Variants in TTF2 observed in about 807,000 individuals in gnomAD.
The protein encoded by TTF2 is RNA polymerase II termination factor.
In TTF2, 108 loss-of-function variants were observed where a neutral mutation model predicts 142.4. That is an observed-to-expected ratio of 0.76 (90% confidence interval 0.65 to 0.89). The LOEUF is 0.89. Among genes scored for constraint, TTF2 ranks in the 40% least tolerant of loss-of-function variants. The probability of loss-of-function intolerance (pLI) is 0.00; values close to 1 mark genes in which losing one functional copy is unlikely to be tolerated. For missense variants in TTF2, 1,327 were observed against 1,379.8 expected, an observed-to-expected ratio of 0.96 and a Z score of 0.61; for synonymous variants, 483 against 506.2, an observed-to-expected ratio of 0.95 and a Z score of 0.61.
At chr1:117,089,041 T>C (rs1238736891) in intron 13 of TTF2, 59 bp downstream of exon 13, 2 of 1,510,148 alleles carry the variant, frequency 1.3e-6, no homozygotes, top group Non-Finnish European at 1.8e-6. Context: ...TTCATCATTA[T>C]TTCATGTCTC....
At chr1:117,071,633 T>A (rs1353396802) in intron 3 of TTF2, among the ~76,000 whole-genome samples, 1 of 152,100 alleles carries the variant, frequency 6.6e-6, no homozygotes, top group Non-Finnish European at 1.5e-5. Context: ...GCAGACAAAA[T>A]ATATATTTTT....
rs377011774 is a variant in TTF2 at position 117,086,407 on chromosome 1, G to A, written c.2055-10G>A. 25 of 1,602,444 alleles carry A rather than the reference G, an allele frequency of 1.6e-5. No individual in the cohort carries two copies. Among genetic ancestry groups the A allele is most frequent in the Non-Finnish European group, 2.1e-5 (24 of 1,169,910 alleles). On this transcript the variant is annotated splice_polypyrimidine_tract_variant and intron_variant, in intron 11 of 22. Transcript: ENST00000369466. This position sits in a 1 kb window ranked among gnomAD's most constrained non-coding sequence, Gnocchi z 4.2. Reference sequence around the variant, plus strand: ...GACCATTTATTGATTTCTTTGTTATGTCTACGCAGCCTCTCTACATATGAC... The same window carrying A: ...GACCATTTATTGATTTCTTTGTTATATCTACGCAGCCTCTCTACATATGAC...
chr1:117,073,625 C>T lies in TTF2; in HGVS notation c.219-36C>T. 6.4e-7 allele frequency: 1 copy of T among 1,566,524 alleles called. No homozygotes were observed. The highest frequency in any genetic ancestry group is 1.2e-5 in the South Asian group (1 of 86,254). On this transcript the variant is annotated intron_variant, in intron 3 of 22. Transcript: ENST00000369466. The surrounding 1 kb of genome is among the most constrained non-coding windows in gnomAD (Gnocchi z 4.4). Reference sequence around the variant, plus strand: ...CTTATCTCTTGTTCTAATGGATTTTCATAGCCTTGATTATTTGTGTTTTAT... The same window carrying T: ...CTTATCTCTTGTTCTAATGGATTTTTATAGCCTTGATTATTTGTGTTTTAT...
At chr1:117,061,089 G>A (rs890103774) in intron 2 of TTF2, among the ~76,000 whole-genome samples, 3 of 152,158 alleles carry the variant, frequency 2.0e-5, no homozygotes, top group Non-Finnish European at 2.9e-5. Context: ...AGAAATTAGC[G>A]CTGGAAGAAA....
intron 2 of TTF2, 131 bp from the exon 3 acceptor site, chr1:117,062,256 G>T: frequency 1.4e-6 from 1 of 735,914 alleles, no homozygotes; most frequent in Non-Finnish European, 2.2e-6. Context: ...GTGATAATGT[G>T]TGGGAATTAC....
rs1649636188 is a variant in TTF2 at position 117,102,180 on chromosome 1, C to T, written c.*656C>T. 6.6e-6 allele frequency: 1 copy of T among 152,238 alleles called. No homozygotes were observed. Among genetic ancestry groups the T allele is most frequent in the African/African-American group, 2.4e-5 (1 of 41,438 alleles). The allele number at this position is 152,238 out of a possible 1,614,324, so 9.4% of individuals were successfully genotyped here. On this transcript the variant is annotated 3_prime_UTR_variant, in exon 23 of 23. Coordinates refer to ENST00000369466, the MANE Select transcript of TTF2 (RefSeq NM_003594.4). Reference sequence around the variant, plus strand: ...AAAAGCTCAAAAAGTTCTGTGTTGCCTTTCTCTTCTTAGCTGATGATGGGA... The same window carrying T: ...AAAAGCTCAAAAAGTTCTGTGTTGCTTTTCTCTTCTTAGCTGATGATGGGA...
intron 3 of TTF2, among the ~76,000 whole-genome samples, chr1:117,066,500 G>A (rs1656140693): frequency 6.6e-6 from 1 of 152,108 alleles, no homozygotes; most frequent in South Asian, 2.1e-4. Flanking sequence ...TCCCTGGGTT[G>A]GAGGACTTGG....
At position 117,060,367 on chromosome 1, in the gene TTF2, A is replaced by C. The variant is rs754898774; in HGVS notation, c.21A>C (p.Pro7=). 3.1e-6 allele frequency: 5 copies of C among 1,605,204 alleles called. No individual in the cohort carries two copies. The Admixed American group carries it at 8.6e-5, about 28-fold the overall frequency. MEEVRC[P]EHGTFCFLKT... is the part of the protein sequence containing the mutation. ...GCGAAATGGAAGAAGTTAGGTGTCCAGAGCACGGTAAGGGGCTAGGGTCTC... is the reference window on the plus strand; with the variant it reads ...GCGAAATGGAAGAAGTTAGGTGTCCCGAGCACGGTAAGGGGCTAGGGTCTC... The change falls in exon 1 of 23, where the codon CCA becomes CCC. Residue 7 remains proline, a synonymous_variant. Transcript: ENST00000369466.
intron 9 of TTF2, among the ~76,000 whole-genome samples, chr1:117,081,223 T>A (rs749621416): frequency 6.6e-6 from 1 of 152,202 alleles, no homozygotes; most frequent in African/African-American, 2.4e-5. Flanking sequence ...ACATTCCACT[T>A]CTGTTATGGC....
At position 117,084,173 on chromosome 1, in the gene TTF2, G is replaced by C; in HGVS notation, c.2054+5G>C. On this transcript the variant is annotated splice_donor_5th_base_variant and intron_variant, in intron 11 of 22. Transcript: ENST00000369466. The stretch of plus-strand genomic sequence containing the variant: ...CCGGGATTCACGTGCCAGAGTGTAA[G>C]TGCAGGAATACGCAGTTGTGGGGGC... 6.2e-7 allele frequency: 1 copy of C among 1,614,190 alleles called. No individual in the cohort carries two copies. Among genetic ancestry groups the C allele is most frequent in the Non-Finnish European group, 8.5e-7 (1 of 1,180,032 alleles).
rs1656132968 is a variant in TTF2 at position 117,066,421 on chromosome 1, T to G, written c.218+3948T>G. 2.0e-5 allele frequency among the ~76,000 whole-genome samples: 3 copies of G among 152,210 alleles called. No individual in the cohort carries two copies. In the South Asian group the frequency reaches 6.2e-4, roughly 32 times the overall value. On this transcript the variant is annotated intron_variant, in intron 3 of 22. Transcript: ENST00000369466. Reference sequence around the variant, plus strand: ...AAGAGCACTGATGAGATGTATTTCCTGGTAGGGCATATAAACGTGTTCCTT... The same window carrying G: ...AAGAGCACTGATGAGATGTATTTCCGGGTAGGGCATATAAACGTGTTCCTT...
chr1:117,088,303 C>T (rs973416651), intron 12 of TTF2, among the ~76,000 whole-genome samples: 3 of 152,030 alleles, frequency 2.0e-5, no homozygotes, highest in Non-Finnish European at 4.4e-5. Context: ...TTTGGAAGGC[C>T]GAGGCGGGTG....
At chr1:117,089,260 C>CATATATATATATATATATATATA (rs1553198319) in intron 13 of TTF2, among the ~76,000 whole-genome samples, 1 of 137,468 alleles carries the variant, frequency 7.3e-6, no homozygotes, top group African/African-American at 2.7e-5. Context: ...CAAATATATG[C>CATATATATATATATATATATATA]TATATATATA....
chr1:117,081,581 T>C (rs1647514798), intron 9 of TTF2, among the ~76,000 whole-genome samples: 1 of 152,172 alleles, frequency 6.6e-6, no homozygotes, highest in Non-Finnish European at 1.5e-5. Flanking sequence ...ATATTCAAAT[T>C]GTAAGTTTTA....
Position 117,088,962 on chromosome 1 carries a change from G to A in TTF2, c.2322G>A (p.Leu774=). 6.2e-7 allele frequency: 1 copy of A among 1,612,298 alleles called. No homozygotes were observed. The highest frequency in any genetic ancestry group is 8.5e-7 in the Non-Finnish European group (1 of 1,179,298). Residue 774 remains leucine, a synonymous_variant, in exon 13 of 23, where the codon TTG becomes TTA. Coordinates refer to ENST00000369466, the MANE Select transcript of TTF2 (RefSeq NM_003594.4). ...GAACCCCCATTCAAAACAACTTATT[G>A]GATATGTATTCGCTGCTGAAGTGAG... ...VTGTPIQNNL[L]DMYSLLKFLR...
At position 117,100,931 on chromosome 1, in the gene TTF2, T is replaced by C. The variant is rs1649538913; in HGVS notation, c.3345-449T>C. Among the ~76,000 whole-genome samples the C allele has an allele frequency of 6.6e-6, 1 of 152,214 alleles. No individual in the cohort carries two copies. The highest frequency in any genetic ancestry group is 2.4e-5 in the African/African-American group (1 of 41,444). ...GTAGTGAGTGCTTAATCAATACTTT[T>C]GAATGAGTGAATGAATGACAACAGT... On this transcript the variant is annotated intron_variant, in intron 22 of 22. Transcript: ENST00000369466. This position sits in a 1 kb window ranked among gnomAD's most constrained non-coding sequence, Gnocchi z 4.6.
chr1:117,067,734 G>A (rs1656259470), intron 3 of TTF2, among the ~76,000 whole-genome samples: 1 of 152,146 alleles, frequency 6.6e-6, no homozygotes, highest in Non-Finnish European at 1.5e-5. Context: ...CAGAACCCCT[G>A]GAGAGTGACC....
In TTF2 at chr1:117,075,837, C is replaced by A; in HGVS notation, c.1253C>A (p.Thr418Lys). The A allele has an allele frequency of 1.2e-6, 2 of 1,608,012 alleles. No individual in the cohort carries two copies. The highest frequency in any genetic ancestry group is 1.7e-5 in the Admixed American group (1 of 58,536). ...SDPVARRVYL[T>K]TQLKQKKSTL... ...CCAGTAGCCCGGCGTGTCTACCTTA[C>A]AACACAACTGAAACAAAAGAAGGTA... is the stretch of plus-strand genomic sequence containing the variant. The change falls in exon 5 of 23, where the codon ACA (threonine) becomes AAA (lysine). Residue 418 changes from threonine to lysine, a missense_variant. By Grantham distance (78) the Thr-to-Lys change is moderately conservative. Transcript: ENST00000369466. The surrounding 1 kb of genome is among the most constrained non-coding windows in gnomAD (Gnocchi z 4.5).
Position 117,090,230 on chromosome 1 carries a change from C to T in TTF2, c.2496+22C>T, listed in dbSNP as rs369146539. On this transcript the variant is annotated intron_variant, in intron 14 of 22. Transcript: ENST00000369466. This position sits in a 1 kb window ranked among gnomAD's most constrained non-coding sequence, Gnocchi z 4.8. The stretch of plus-strand genomic sequence containing the variant: ...TTTGGTAATCAAGTTTGTACCTGTC[C>T]CTGGGGGAGGCCAGGGAAGGAACAT... 1.1e-4 allele frequency: 171 copies of T among 1,610,854 alleles called. No individual in the cohort carries two copies. The highest frequency in any genetic ancestry group is 4.8e-5 in the Non-Finnish European group (57 of 1,178,438).
Sources: allele counts gnomAD v4.1 joint callset (sites outside exome capture counted in the v4.1 genomes callset), GRCh38; gene constraint gnomAD v4.1.1; non-coding constraint Gnocchi (gnomAD v3.1); transcripts MANE v1.5; gene names NCBI Gene and HGNC (gene_info 2026-07-23, HGNC 2026-07-21).